Variants in SNRNP70 observed in about 807,000 individuals in gnomAD.
SNRNP70 encodes small nuclear ribonucleoprotein U1 subunit 70.
A neutral mutation model predicts 50.5 loss-of-function variants in SNRNP70; 8 were observed. The ratio of observed to expected loss-of-function variants is 0.16; its 90% CI spans 0.09 to 0.29. SNRNP70 has a LOEUF of 0.29. Among genes scored for constraint, SNRNP70 ranks in the 10% least tolerant of loss-of-function variants. The pLI is 1.00. For synonymous variants in SNRNP70, 320 were observed against 252.9 expected, an observed-to-expected ratio of 1.27 and a Z score of -2.52; for missense variants, 529 against 663.5, an observed-to-expected ratio of 0.80 and a Z score of 2.23.
chr19:49,086,346 CAG>C (rs2040379338), intron 1 of SNRNP70, 57 bp from the exon 2 acceptor site: 12 of 1,515,184 alleles, frequency 7.9e-6, no homozygotes, highest in African/African-American at 4.2e-5. Flanking sequence ...CAAGGAGTAA[CAG>C]GGGCTTTCTC....
chr19:49,093,689 AAAAC>A (rs1403151974), intron 4 of SNRNP70, among the ~76,000 whole-genome samples: 5 of 142,484 alleles, frequency 3.5e-5, no homozygotes, highest in African/African-American at 1.3e-4. Flanking sequence ...AAAAAAAAAA[AAAAC>A]AAAAAAAAAA....
intron 4 of SNRNP70, among the ~76,000 whole-genome samples, chr19:49,095,132 C>T (rs1162998491): frequency 1.3e-5 from 2 of 152,246 alleles, no homozygotes; most frequent in Non-Finnish European, 2.9e-5. Context: ...TGCTTTGCTG[C>T]ATTTGCTTTT....
chr19:49,085,931 A>G (rs939577597), intron 1 of SNRNP70, among the ~76,000 whole-genome samples: 1 of 152,108 alleles, frequency 6.6e-6, no homozygotes, highest in Non-Finnish European at 1.5e-5. Flanking sequence ...TGCGGGGTCC[A>G]GGTCTGTTAC....
chr19:49,092,900 T>C (rs2040465208), intron 4 of SNRNP70, among the ~76,000 whole-genome samples: 2 of 138,720 alleles, frequency 1.4e-5, no homozygotes, highest in Non-Finnish European at 3.2e-5. Context: ...GTGCTCAGCC[T>C]CTTTTTTTTT....
chr19:49,104,417 T>C lies in SNRNP70; in HGVS notation c.476-217T>C, dbSNP rs2040637089. On this transcript the variant is annotated intron_variant, in intron 7 of 9. Transcript: ENST00000598441. This position sits in a 1 kb window ranked among gnomAD's most constrained non-coding sequence, Gnocchi z 5.4. ...GGACGTCTCCCCCGACCAGGAGTGG[T>C]TGGGGCGCTGAGAGGAAGCAGACGC... is the stretch of plus-strand genomic sequence containing the variant. 1.9e-6 allele frequency: 1 copy of C among 528,140 alleles called. No homozygotes were observed. The highest frequency in any genetic ancestry group is 3.4e-6 in the Non-Finnish European group (1 of 293,520). The allele number at this position is 528,140 out of a possible 1,614,324, so 32.7% of individuals were successfully genotyped here. A position where few individuals can be genotyped will look rare whatever the true frequency, so the allele number is the denominator to read the frequency against.
chr19:49,093,885 T>C (rs765574859), intron 4 of SNRNP70, among the ~76,000 whole-genome samples: 3 of 151,298 alleles, frequency 2.0e-5, no homozygotes, highest in Non-Finnish European at 2.9e-5. Flanking sequence ...TAGCCAGGCA[T>C]TGTAGTGGGC....
chr19:49,100,116 T>C (rs908368886), intron 6 of SNRNP70, among the ~76,000 whole-genome samples: 3 of 152,200 alleles, frequency 2.0e-5, no homozygotes, highest in Non-Finnish European at 4.4e-5. Flanking sequence ...CTGGTAGTGA[T>C]GTGAATGGCG....
Position 49,108,196 on chromosome 19 carries a change from G to A in SNRNP70, c.1067G>A (p.Arg356Gln). 2 of 1,532,716 alleles carry A rather than the reference G, an allele frequency of 1.3e-6. No homozygotes were observed. The highest frequency in any genetic ancestry group is 1.8e-6 in the Non-Finnish European group (2 of 1,138,928). The allele number at this position is 1,532,716 out of a possible 1,614,324, so 94.9% of individuals were successfully genotyped here. A position where few individuals can be genotyped will look rare whatever the true frequency, so the allele number is the denominator to read the frequency against. ...KGRDRDRERR[R>Q]SHRSERERRR... ...CGGGATCGTGACCGGGAGCGACGGC[G>A]GAGCCACCGGAGCGAGCGCGAGCGG... Residue 356 changes from arginine (R) to glutamine (Q), a missense_variant, in exon 10 of 10, where the codon CGG (arginine) becomes CAG (glutamine). By Grantham distance (43) the Arg-to-Gln change is conservative (BLOSUM62 1). This residue lies in a region of SNRNP70 where 327 missense variants were observed against 308.8 expected (regional missense o/e 1.06). Transcript: ENST00000598441.
chr19:49,106,607 T>G (rs2040672266), intron 8 of SNRNP70, among the ~76,000 whole-genome samples: 1 of 152,076 alleles, frequency 6.6e-6, no homozygotes, highest in Non-Finnish European at 1.5e-5. Flanking sequence ...CAGCCCTGCC[T>G]CACGGAAGCT....
rs767029822 is a variant in SNRNP70 at position 49,104,543 on chromosome 19, A to G, written c.476-91A>G. 2.1e-6 allele frequency: 2 copies of G among 958,234 alleles called. No homozygotes were observed. Among genetic ancestry groups the G allele is most frequent in the South Asian group, 1.4e-5 (1 of 71,652 alleles). 59.4% of individuals were successfully genotyped at this position (958,234 alleles called of 1,614,324 possible). On this transcript the variant is annotated intron_variant, in intron 7 of 9. Coordinates refer to ENST00000598441, the MANE Select transcript of SNRNP70 (RefSeq NM_003089.6). This position sits in a 1 kb window ranked among gnomAD's most constrained non-coding sequence, Gnocchi z 5.4. ...TGTGCGTGTGCGTGATGATGGGGAC[A>G]CGGGGCGGGGATTCTGTAGAGCTGG...
chr19:49,106,722 A>T (rs1010183638), intron 8 of SNRNP70, among the ~76,000 whole-genome samples: 2 of 152,210 alleles, frequency 1.3e-5, no homozygotes, highest in African/African-American at 4.8e-5. Context: ...ACTGTGGGCC[A>T]GTGACTTGAT....
At chr19:49,094,163 TAA>T (rs1223070699) in intron 4 of SNRNP70, among the ~76,000 whole-genome samples, 2 of 152,138 alleles carry the variant, frequency 1.3e-5, no homozygotes, top group African/African-American at 4.8e-5. Flanking sequence ...TTATGATGTT[TAA>T]AAGCCTTTGT....
At chr19:49,093,169 C>T (rs974778385) in intron 4 of SNRNP70, among the ~76,000 whole-genome samples, 1 of 152,016 alleles carries the variant, frequency 6.6e-6, no homozygotes, top group African/African-American at 2.4e-5. Flanking sequence ...GATCTAGGGT[C>T]ACTGCAACCT....
intron 6 of SNRNP70, among the ~76,000 whole-genome samples, chr19:49,099,637 G>T (rs2040556342): frequency 1.3e-5 from 2 of 151,840 alleles, no homozygotes; most frequent in South Asian, 4.1e-4. Context: ...TACTGAGGAG[G>T]CTGAGGCAGG....
Position 49,108,491 on chromosome 19 carries a change from C to G in SNRNP70, c.*48C>G. 1 of 1,543,450 alleles carries G rather than the reference C, an allele frequency of 6.5e-7. No homozygotes were observed. The highest frequency in any genetic ancestry group is 8.7e-7 in the Non-Finnish European group (1 of 1,144,110). ...TGTGTTTGGACGCGTTCCTGCCCAG[C>G]CCCTTGCTGTCATCCCCTCCCCCAA... On this transcript the variant is annotated 3_prime_UTR_variant, in exon 10 of 10. Coordinates refer to ENST00000598441, the MANE Select transcript of SNRNP70 (RefSeq NM_003089.6).
intron 2 of SNRNP70, among the ~76,000 whole-genome samples, chr19:49,088,365 G>T (rs1320828960): frequency 2.7e-5 from 4 of 150,524 alleles, no homozygotes; most frequent in African/African-American, 9.8e-5. Context: ...ACCACGCCTG[G>T]CTAATTTTTT....
At chr19:49,106,643 G>T (rs2040672752) in intron 8 of SNRNP70, among the ~76,000 whole-genome samples, 1 of 152,228 alleles carries the variant, frequency 6.6e-6, no homozygotes, top group South Asian at 2.1e-4. Context: ...AGATAGAGGA[G>T]CGCTTGAGAA....
chr19:49,093,677 T>TA (rs1837020317), intron 4 of SNRNP70, among the ~76,000 whole-genome samples: 3 of 40,540 alleles, frequency 7.4e-5, no homozygotes, highest in African/African-American at 1.7e-4. Flanking sequence ...AGATTCCATC[T>TA]CAAAAAAAAA....
At position 49,104,372 on chromosome 19, in the gene SNRNP70, AG is replaced by A. The variant is rs2040635976; in HGVS notation, c.476-257del. 18 of 437,966 alleles carry A rather than the reference AG, an allele frequency of 4.1e-5. No individual in the cohort carries two copies. In the South Asian group the frequency reaches 5.2e-4, roughly 13 times the overall value. 27.1% of individuals were successfully genotyped at this position (437,966 alleles called of 1,614,324 possible). The stretch of plus-strand genomic sequence containing the variant: ...TGGGAGAGGAAGGGCCGGGGAGCCT[AG>A]GGGGTGGCGGGTGAGGGTGGACGTC... On this transcript the variant is annotated intron_variant, in intron 7 of 9. Transcript: ENST00000598441. This position sits in a 1 kb window ranked among gnomAD's most constrained non-coding sequence, Gnocchi z 5.4.
Sources: allele counts gnomAD v4.1 joint callset (sites outside exome capture counted in the v4.1 genomes callset), GRCh38; gene constraint gnomAD v4.1.1; regional missense constraint gnomAD v4.1.1; non-coding constraint Gnocchi (gnomAD v3.1); transcripts MANE v1.5; gene names NCBI Gene and HGNC (gene_info 2026-07-23, HGNC 2026-07-21).